Variants in PCDHA10 observed in about 807,000 individuals in gnomAD.
PCDHA10 encodes protocadherin alpha 10.
A neutral mutation model predicts 61.2 loss-of-function variants in PCDHA10; 45 were observed. The ratio of observed to expected loss-of-function variants is 0.74; its 90% confidence interval spans 0.58 to 0.94. The LOEUF (loss-of-function observed/expected upper bound fraction) is 0.94, where lower values mean the gene tolerates loss of function less well. PCDHA10 is among the 40% of genes least tolerant of loss of function. The probability of loss-of-function intolerance (pLI) is 0.00; values close to 1 mark genes in which losing one functional copy is unlikely to be tolerated. For missense variants in PCDHA10, 1,278 were observed against 1,236.2 expected, an observed-to-expected ratio of 1.03 and a Z score of -0.51; for synonymous variants, 602 against 548.8, an observed-to-expected ratio of 1.10 and a Z score of -1.35.
intron 1 of PCDHA10, chr5:140,865,219 G>C (rs2048775576): frequency 6.6e-6 from 1 of 152,062 alleles, no homozygotes; most frequent in Admixed American, 6.5e-5. Context: ...TTTCTTTAAA[G>C]GGATCCCAGA....
chr5:140,915,517 G>T (rs982535213), intron 1 of PCDHA10, among the ~76,000 whole-genome samples: 17 of 152,066 alleles, frequency 1.1e-4, no homozygotes, highest in African/African-American at 4.1e-4. Flanking sequence ...TTGCAGACTA[G>T]TAGAGGTACC....
chr5:140,886,753 G>A (rs1434667485), intron 1 of PCDHA10, among the ~76,000 whole-genome samples: 3 of 151,010 alleles, frequency 2.0e-5, no homozygotes, highest in African/African-American at 7.3e-5. Flanking sequence ...TTGAACCCGG[G>A]AGGTGGAGGT....
Position 140,857,742 on chromosome 5 carries a change from T to A in PCDHA10, c.1694T>A (p.Leu565Gln), listed in dbSNP as rs375305711. ...GAGAACGACAACGCTCCCGCGCTGC[T>A]GGCGTCTCCCGCTGGCAGCGCGGGC... ...LDENDNAPALLASPAGSAGGA... is the reference protein window; with the variant it reads ...LDENDNAPALQASPAGSAGGA... The change falls in exon 1 of 4, where the codon CTG becomes CAG. Residue 565 changes from leucine (L) to glutamine (Q), a missense_variant. Physicochemically the swap from Leu to Gln is moderately radical, Grantham distance 113. Transcript: ENST00000307360. 2 of 1,597,392 alleles carry A rather than the reference T, an allele frequency of 1.3e-6. No homozygotes were observed. The highest frequency in any genetic ancestry group is 1.7e-6 in the Non-Finnish European group (2 of 1,167,618).
chr5:140,976,244 A>G (rs996854178), intron 1 of PCDHA10, among the ~76,000 whole-genome samples: 1 of 152,160 alleles, frequency 6.6e-6, no homozygotes, highest in Non-Finnish European at 1.5e-5. Context: ...CATTTCATGT[A>G]AATTTATTTA....
At chr5:140,985,739 C>CTTTTTT (rs11372071) in intron 3 of PCDHA10, among the ~76,000 whole-genome samples, 3 of 117,922 alleles carry the variant, frequency 2.5e-5, no homozygotes, top group Non-Finnish European at 1.7e-5. Context: ...TGATGAATTC[C>CTTTTTT]TTTTTTTTTT....
chr5:140,884,840 A>G (rs2060380495), intron 1 of PCDHA10: 7 of 888,512 alleles, frequency 7.9e-6, no homozygotes, highest in Non-Finnish European at 1.1e-5. Flanking sequence ...TATCCTTCAG[A>G]GTGAAATCTT....
chr5:140,866,911 G>C (rs1359822435), intron 1 of PCDHA10: 4 of 152,102 alleles, frequency 2.6e-5, no homozygotes, highest in African/African-American at 9.7e-5. Context: ...GATCCTCAAA[G>C]ATGAGTTCAA....
intron 1 of PCDHA10, chr5:140,926,963 A>G (rs782460460): frequency 1.2e-6 from 2 of 1,605,984 alleles, no homozygotes; most frequent in South Asian, 2.2e-5. Context: ...CAGCTCGAGT[A>G]CTCAGTGCCG....
intron 1 of PCDHA10, among the ~76,000 whole-genome samples, chr5:140,879,121 G>C (rs148259888): frequency 6.6e-6 from 1 of 152,330 alleles, no homozygotes; most frequent in Non-Finnish European, 1.5e-5. Context: ...TGAAGGATTA[G>C]AGCAGGGGAG....
At chr5:140,949,657 T>G (rs908826690) in intron 1 of PCDHA10, among the ~76,000 whole-genome samples, 2 of 151,876 alleles carry the variant, frequency 1.3e-5, no homozygotes, top group Non-Finnish European at 3.0e-5. Flanking sequence ...TTTACTTTTG[T>G]TTCTTTAAAG....
Position 140,979,023 on chromosome 5 carries a change from C to G in PCDHA10, c.2447+16C>G, listed in dbSNP as rs2096831948. On this transcript the variant is annotated intron_variant, in intron 2 of 3. Transcript: ENST00000307360. ...GCATGCACAGGTATGTATTTCCCTC[C>G]TCATTCACTCAGAAGTAACCTTAAC... The G allele has an allele frequency of 6.2e-7, 1 of 1,613,422 alleles. No homozygotes were observed.
At chr5:140,869,323 C>T in intron 1 of PCDHA10, 1 of 1,613,864 alleles carries the variant, frequency 6.2e-7, no homozygotes, top group South Asian at 1.1e-5. Flanking sequence ...ACATGGGGAC[C>T]TTCTGGAGGT....
chr5:140,896,735 T>C (rs930657295), intron 1 of PCDHA10, among the ~76,000 whole-genome samples: 8 of 152,166 alleles, frequency 5.3e-5, no homozygotes, highest in Non-Finnish European at 4.4e-5. Context: ...TTTAAGTTCC[T>C]TATAGATTCT....
intron 1 of PCDHA10, chr5:140,870,088 A>G: frequency 1.9e-6 from 3 of 1,613,934 alleles, no homozygotes; most frequent in Non-Finnish European, 2.5e-6. Flanking sequence ...GACTCCCCCA[A>G]TGGCAGGTCA....
chr5:140,941,175 C>T (rs1344326389), intron 1 of PCDHA10, among the ~76,000 whole-genome samples: 1 of 145,416 alleles, frequency 6.9e-6, no homozygotes, highest in Admixed American at 6.8e-5. Context: ...CCATCTTGAA[C>T]ATCCTGCTTC....
intron 1 of PCDHA10, among the ~76,000 whole-genome samples, chr5:140,926,202 G>T (rs1194252332): frequency 6.6e-6 from 1 of 151,658 alleles, no homozygotes; most frequent in East Asian, 1.9e-4. Flanking sequence ...TTCTTTCGGG[G>T]GGCTCCTGTT....
chr5:140,891,076 A>G (rs2062939819), intron 1 of PCDHA10, among the ~76,000 whole-genome samples: 1 of 152,160 alleles, frequency 6.6e-6, no homozygotes, highest in African/African-American at 2.4e-5. Flanking sequence ...TCCAGTGTCT[A>G]CTGGTTTCCA....
At chr5:140,936,849 G>A (rs927747848) in intron 1 of PCDHA10, among the ~76,000 whole-genome samples, 1 of 152,006 alleles carries the variant, frequency 6.6e-6, no homozygotes, top group Non-Finnish European at 1.5e-5. Context: ...TGTAGATTCA[G>A]CTTCTCAGTT....
At chr5:140,882,864 C>G in intron 1 of PCDHA10, 2 of 1,614,200 alleles carry the variant, frequency 1.2e-6, no homozygotes, top group Non-Finnish European at 8.5e-7. Context: ...CTGAGGAAAA[C>G]ACTGGACAGA....
Sources: gnomAD v4.1 joint callset for allele counts (sites outside exome capture counted in the v4.1 genomes callset) on GRCh38, gnomAD v4.1.1 for gene constraint, MANE v1.5 for transcripts, NCBI Gene and HGNC (gene_info 2026-07-23, HGNC 2026-07-21) for gene names.